The following MISFA variants were observed in gnomAD, a reference collection of about 807,000 sequenced individuals.
MISFA encodes mitochondrial sheath formation-associated protein.
At chr11:18,601,556 T>G in the MISFA span, 1 of 396,894 alleles carries the variant, frequency 2.5e-6, no homozygotes, top group African/African-American at 2.1e-5. Context: ...CTCAGGCACA[T>G]GCCACCATGC....
the MISFA span, among the ~76,000 whole-genome samples, chr11:18,605,373 G>C: frequency 6.6e-6 from 1 of 152,152 alleles, no homozygotes; most frequent in Non-Finnish European, 1.5e-5. Context: ...GTATGGAACT[G>C]TACCCATTCT....
chr11:18,601,509 A>G, the MISFA span: 2 of 396,652 alleles, frequency 5.0e-6, no homozygotes, highest in Non-Finnish European at 8.9e-6. Context: ...GTGAGGTGCA[A>G]GCAGTCTTCC....
chr11:18,608,433 T>C, the MISFA span: 5 of 152,416 alleles, frequency 3.3e-5, no homozygotes, highest in East Asian at 9.6e-4. Context: ...GGGCCTGTTG[T>C]AGGACAATCC....
chr11:18,600,722 GT>G, the MISFA span, among the ~76,000 whole-genome samples: 1 of 151,460 alleles, frequency 6.6e-6, no homozygotes, highest in Non-Finnish European at 1.5e-5. Context: ...GGGTTTCACT[GT>G]GTTAGCCAGG....
At chr11:18,603,228 T>C in the MISFA span, 3 of 398,980 alleles carry the variant, frequency 7.5e-6, no homozygotes, top group Admixed American at 1.3e-4. Context: ...TCTCTATTCC[T>C]ACTTTGAAAT....
chr11:18,608,575 T>C, the MISFA span: 1 of 152,208 alleles, frequency 6.6e-6, no homozygotes, highest in Non-Finnish European at 1.5e-5. Flanking sequence ...GGACAAATGC[T>C]CTCTAGCATC....
At chr11:18,600,799 C>T in the MISFA span, among the ~76,000 whole-genome samples, 2 of 152,080 alleles carry the variant, frequency 1.3e-5, no homozygotes, top group African/African-American at 4.8e-5. Flanking sequence ...GGATTACAGG[C>T]GTGAGCCACT....
the MISFA span, chr11:18,601,531 C>G: frequency 1.4e-4 from 57 of 394,220 alleles, no homozygotes; most frequent in Non-Finnish European, 2.2e-4. Context: ...ATCTCAGCTT[C>G]TTGGGTAGCT....
the MISFA span, among the ~76,000 whole-genome samples, chr11:18,605,897 C>T: frequency 6.6e-6 from 1 of 152,094 alleles, no homozygotes; most frequent in Non-Finnish European, 1.5e-5. Flanking sequence ...AGGCTGGTCT[C>T]GAACTCCCAG....
the MISFA span, chr11:18,601,403 T>C: frequency 3.5e-5 from 14 of 398,316 alleles, no homozygotes; most frequent in Non-Finnish European, 5.8e-5. Flanking sequence ...TCTATTATTT[T>C]TCTCCTCACA....
At chr11:18,604,484 C>T in the MISFA span, among the ~76,000 whole-genome samples, 384 of 151,802 alleles carry the variant, frequency 2.5e-3, no homozygotes, top group African/African-American at 9.1e-3. Flanking sequence ...GGTGAAACCC[C>T]GTCTCTACTA....
At chr11:18,600,800 G>T in the MISFA span, among the ~76,000 whole-genome samples, 1 of 151,988 alleles carries the variant, frequency 6.6e-6, no homozygotes, top group East Asian at 1.9e-4. Context: ...GATTACAGGC[G>T]TGAGCCACTG....
the MISFA span, chr11:18,601,502 A>G: frequency 5.2e-6 from 2 of 388,344 alleles, no homozygotes; most frequent in Admixed American, 4.7e-5. Flanking sequence ...GGCTGGAGTG[A>G]GGTGCAAGCA....
chr11:18,609,865 C>A, the MISFA span: 3 of 1,614,050 alleles, frequency 1.9e-6, no homozygotes, highest in Non-Finnish European at 2.5e-6. Context: ...CAGCAGCTAA[C>A]GCCTCTTCAG....
the MISFA span, chr11:18,600,018 T>C: frequency 2.5e-6 from 1 of 398,972 alleles, no homozygotes; most frequent in African/African-American, 2.1e-5. Flanking sequence ...GCTCTGCCTG[T>C]AAATCCCTGG....
chr11:18,599,850 A>C, the MISFA span: 1 of 397,982 alleles, frequency 2.5e-6, no homozygotes, highest in East Asian at 3.6e-5. Flanking sequence ...AGGTTTCGTG[A>C]GCGCACTCCT....
the MISFA span, chr11:18,608,263 G>T: frequency 6.6e-6 from 1 of 152,552 alleles, no homozygotes; most frequent in African/African-American, 2.4e-5. Flanking sequence ...CACTTTCAAA[G>T]TTTGAAACTC....
chr11:18,603,799 C>A, the MISFA span: 5 of 398,804 alleles, frequency 1.3e-5, no homozygotes, highest in African/African-American at 2.1e-5. Context: ...CAAGGATGAT[C>A]CTGGTGAAGT....
At chr11:18,605,221 C>CA in the MISFA span, among the ~76,000 whole-genome samples, 1 of 148,930 alleles carries the variant, frequency 6.7e-6, no homozygotes, top group South Asian at 2.2e-4. Flanking sequence ...GCCTGGGTGA[C>CA]AAAGCAAGAC....
Sources: allele counts gnomAD v4.1 joint callset (sites outside exome capture counted in the v4.1 genomes callset), GRCh38; gene constraint gnomAD v4.1.1; transcripts MANE v1.5; gene names NCBI Gene and HGNC (gene_info 2026-07-23, HGNC 2026-07-21).